PDE4D: variants seen among roughly 807,000 people sequenced by gnomAD.
The protein encoded by PDE4D is phosphodiesterase 4D.
A neutral mutation model predicts 87.4 loss-of-function variants in PDE4D; 24 were observed. The observed-to-expected ratio is 0.27, with a 90% CI of 0.20 to 0.39. PDE4D has a LOEUF of 0.39. Ranked by LOEUF, PDE4D falls within the 10% of genes least tolerant of loss-of-function variation. The pLI is 1.00. For synonymous variants in PDE4D, 384 were observed against 383.2 expected (o/e 1.00, Z -0.02); for missense variants, 714 against 1,041.0 (o/e 0.69, Z 4.32).
At chr5:59,364,107 T>C (rs1352623104) in intron 1 of PDE4D, among the ~76,000 whole-genome samples, 5 of 152,354 alleles carry the variant, frequency 3.3e-5, no homozygotes, top group African/African-American at 1.2e-4. Context: ...TGTTTTTGTT[T>C]TGTAACAGAA....
intron 1 of PDE4D, chr5:60,429,844 T>TTG (rs983175461): frequency 8.6e-5 from 29 of 337,232 alleles, no homozygotes; most frequent in Non-Finnish European, 1.7e-5. Context: ...GTTTTTTTTT[T>TTG]TTTGTTTTTT....
At chr5:60,517,487 C>G (rs1482922170) in intron 1 of PDE4D, among the ~76,000 whole-genome samples, 1 of 152,220 alleles carries the variant, frequency 6.6e-6, no homozygotes, top group African/African-American at 2.4e-5. Context: ...ACTCACTTCC[C>G]CTTCTCTGAA....
At chr5:59,110,297 C>T (rs935385199) in intron 5 of PDE4D, among the ~76,000 whole-genome samples, 5 of 152,180 alleles carry the variant, frequency 3.3e-5, no homozygotes, top group African/African-American at 1.2e-4. Context: ...AGGACAGATT[C>T]TGGAATATAG....
At chr5:59,104,669 G>A (rs2153435277) in intron 5 of PDE4D, among the ~76,000 whole-genome samples, 1 of 152,078 alleles carries the variant, frequency 6.6e-6, no homozygotes, top group African/African-American at 2.4e-5. Flanking sequence ...GAAAGAAAGG[G>A]GGAACTAGGA....
intron 1 of PDE4D, among the ~76,000 whole-genome samples, chr5:59,713,435 G>A (rs1045475234): frequency 2.6e-5 from 4 of 152,160 alleles, no homozygotes; most frequent in African/African-American, 7.2e-5. Flanking sequence ...ATAACTACCG[G>A]ACTGACACTG....
chr5:59,329,215 T>A (rs907879543), intron 1 of PDE4D, among the ~76,000 whole-genome samples: 1 of 152,064 alleles, frequency 6.6e-6, no homozygotes, highest in African/African-American at 2.4e-5. Context: ...CTACACCTAA[T>A]GGAAAAGGAA....
chr5:59,522,475 T>C (rs1209934547), intron 1 of PDE4D, among the ~76,000 whole-genome samples: 1 of 152,160 alleles, frequency 6.6e-6, no homozygotes, highest in African/African-American at 2.4e-5. Context: ...AATTCCTCAG[T>C]CCTGAGTTAC....
intron 2 of PDE4D, among the ~76,000 whole-genome samples, chr5:60,105,407 G>C (rs892517481): frequency 1.3e-5 from 2 of 152,156 alleles, no homozygotes; most frequent in Non-Finnish European, 2.9e-5. Context: ...CAAAGTGATG[G>C]GGAGAATGGA....
intron 6 of PDE4D, among the ~76,000 whole-genome samples, chr5:59,013,066 A>AAG (rs1399941468): frequency 1.3e-5 from 2 of 152,254 alleles, no homozygotes; most frequent in African/African-American, 2.4e-5. Flanking sequence ...ACATAATGCG[A>AAG]TGAAGGCAGA....
At chr5:60,431,119 C>T (rs987917073) in intron 1 of PDE4D, 11 of 219,060 alleles carry the variant, frequency 5.0e-5, no homozygotes, top group Middle Eastern at 1.9e-3. Context: ...GTAGGGGCGG[C>T]CGGGCAGAGG....
rs186159448 is a variant in PDE4D at position 59,404,856 on chromosome 5, C to T, written c.456-188888G>A. Among the ~76,000 whole-genome samples the T allele has an allele frequency of 4.9e-4, 74 of 152,250 alleles. 1 individual carries two copies. The highest frequency in any genetic ancestry group is 3.4e-3 in the Middle Eastern group (1 of 294). ...TATAGATATCCAGTTTTCCCAGAACCATTTATTGAAGAGACTGTCCTTTCT... is the reference window on the plus strand; with the variant it reads ...TATAGATATCCAGTTTTCCCAGAACTATTTATTGAAGAGACTGTCCTTTCT... On this transcript the variant is annotated intron_variant, in intron 1 of 14. Transcript: ENST00000340635.
chr5:59,556,009 T>G (rs1301532929), intron 1 of PDE4D, among the ~76,000 whole-genome samples: 1 of 152,166 alleles, frequency 6.6e-6, no homozygotes, highest in Admixed American at 6.6e-5. Flanking sequence ...TAGCTCAGTT[T>G]CCTCTATTTC....
At chr5:59,465,233 G>A (rs1207615101) in intron 1 of PDE4D, among the ~76,000 whole-genome samples, 2 of 151,986 alleles carry the variant, frequency 1.3e-5, no homozygotes, top group Non-Finnish European at 2.9e-5. Context: ...CCTACATCAG[G>A]ACTTTGCACA....
chr5:59,927,091 G>T (rs1341555787), intron 3 of PDE4D, among the ~76,000 whole-genome samples: 2 of 152,188 alleles, frequency 1.3e-5, no homozygotes, highest in African/African-American at 4.8e-5. Context: ...ACTAAAGGAA[G>T]AGTGGAATTT....
chr5:60,315,326 TG>T (rs1233740325), intron 1 of PDE4D, among the ~76,000 whole-genome samples: 1 of 152,242 alleles, frequency 6.6e-6, no homozygotes, highest in Non-Finnish European at 1.5e-5. Flanking sequence ...TATTTGTTGA[TG>T]GGGTTGTTTG....
intron 1 of PDE4D, among the ~76,000 whole-genome samples, chr5:59,743,275 A>T (rs140247365): frequency 1.3e-5 from 2 of 152,338 alleles, no homozygotes; most frequent in East Asian, 3.9e-4. Context: ...CACATTTCTA[A>T]ACATGACATA....
intron 1 of PDE4D, among the ~76,000 whole-genome samples, chr5:59,316,055 C>G (rs1443034366): frequency 3.9e-5 from 6 of 152,146 alleles, no homozygotes; most frequent in Non-Finnish European, 5.9e-5. Flanking sequence ...ACATCTGTCT[C>G]TCAGCTGAAT....
chr5:59,156,353 G>C (rs865807554), intron 5 of PDE4D, among the ~76,000 whole-genome samples: 1 of 142,874 alleles, frequency 7.0e-6, no homozygotes, highest in African/African-American at 2.6e-5. Context: ...GTGTGTGTGT[G>C]TGTGTGTGTG....
intron 2 of PDE4D, among the ~76,000 whole-genome samples, chr5:59,195,365 G>A (rs1242611303): frequency 1.3e-4 from 20 of 152,172 alleles, no homozygotes; most frequent in Non-Finnish European, 2.8e-4. Flanking sequence ...AAGTGGCAAG[G>A]AGGCCATTGA....
Sources: gnomAD v4.1 joint callset for allele counts (sites outside exome capture counted in the v4.1 genomes callset) on GRCh38, gnomAD v4.1.1 for gene constraint, MANE v1.5 for transcripts, NCBI Gene and HGNC (gene_info 2026-07-23, HGNC 2026-07-21) for gene names.